ARHGEF6: variants seen among roughly 807,000 people sequenced by gnomAD.
The protein encoded by ARHGEF6 is Rac/Cdc42 guanine nucleotide exchange factor 6, also known as rho guanine nucleotide exchange factor 6.
ARHGEF6 carries 9 observed loss-of-function variants against 70.3 expected under a neutral mutation model. That is an observed-to-expected ratio of 0.13 (90% CI 0.08 to 0.22). The LOEUF is 0.22. Ranked by LOEUF, ARHGEF6 falls within the 10% of genes least tolerant of loss-of-function variation. ARHGEF6 has a pLI of 1.00. For missense variants in ARHGEF6, 470 were observed against 563.0 expected (o/e 0.83, Z 1.67); for synonymous variants, 201 against 207.8 (o/e 0.97, Z 0.28).
chrX:136,708,381 T>TA (rs1349098146), intron 8 of ARHGEF6, among the ~76,000 whole-genome samples: 2,298 of 96,121 alleles, frequency 0.024, 22 homozygotes, highest in African/African-American at 0.033. Flanking sequence ...TAAGGAACAT[T>TA]AAAAAAAAAA....
chrX:136,707,607 A>G (rs1321897362), intron 8 of ARHGEF6, among the ~76,000 whole-genome samples: 1 of 112,127 alleles, frequency 8.9e-6, no homozygotes, highest in African/African-American at 3.2e-5. Context: ...TTTTTTCTAC[A>G]TGTTTCTCTA....
rs959974357 is a variant in ARHGEF6 at position 136,666,467 on chromosome X, C to T, written c.*1562G>A. 7 of 112,335 alleles carry T rather than the reference C, an allele frequency of 6.2e-5. No homozygotes were observed. In the Admixed American group the frequency reaches 6.6e-4, roughly 11 times the overall value. The allele number at this position is 112,335 out of a possible 1,213,427, so 9.3% of individuals were successfully genotyped here. On this transcript the variant is annotated 3_prime_UTR_variant, in exon 22 of 22. Transcript: ENST00000250617. ...ACCTCCTGGGCTCAAATGATCCTCC[C>T]ACCTCAGCCTCCTGAGTAGCTGGGA...
intron 6 of ARHGEF6, among the ~76,000 whole-genome samples, chrX:136,720,491 T>C (rs1409852803): frequency 2.0e-5 from 2 of 102,005 alleles, no homozygotes; most frequent in African/African-American, 3.6e-5. Flanking sequence ...CTCAACTTGA[T>C]AAAGAACAGC....
Position 136,681,024 on chromosome X carries a change from C to A in ARHGEF6, c.1559-148G>T. ...CTATGGGATAACCCTGCTGAAATTTCTATATCAGAAACAGATAACCTGTGA... is the reference window on the plus strand; with the variant it reads ...CTATGGGATAACCCTGCTGAAATTTATATATCAGAAACAGATAACCTGTGA... On this transcript the variant is annotated intron_variant, in intron 14 of 21. Transcript: ENST00000250617. The A allele has an allele frequency of 6.8e-6, 4 of 588,737 alleles. No individual in the cohort carries two copies. In the South Asian group the frequency reaches 1.1e-4, roughly 16 times the overall value. The allele number at this position is 588,737 out of a possible 1,213,427, so 48.5% of individuals were successfully genotyped here. A position where few individuals can be genotyped will look rare whatever the true frequency, so the allele number is the denominator to read the frequency against.
intron 5 of ARHGEF6, chrX:136,737,481 AAG>A: frequency 1.4e-6 from 1 of 723,252 alleles, no homozygotes; most frequent in Non-Finnish European, 1.6e-6. Flanking sequence ...AAAAAAAAAA[AAG>A]GGTTTCACTA....
chrX:136,723,979 G>A, intron 6 of ARHGEF6, among the ~76,000 whole-genome samples: 1 of 110,868 alleles, frequency 9.0e-6, no homozygotes, highest in East Asian at 2.8e-4. Flanking sequence ...CTATAGTATT[G>A]GTGTTGAGAT....
chrX:136,701,765 TG>T (rs2076574992), intron 9 of ARHGEF6, among the ~76,000 whole-genome samples: 1 of 99,105 alleles, frequency 1.0e-5, no homozygotes, highest in Non-Finnish European at 2.0e-5. Flanking sequence ...TGGAGTGCAG[TG>T]GCGCCATCTT....
chrX:136,727,415 T>C (rs188328795), intron 6 of ARHGEF6, among the ~76,000 whole-genome samples: 5,292 of 76,685 alleles, frequency 0.069, 276 homozygotes, highest in East Asian at 0.2. Context: ...CTCTCTCTCT[T>C]TCTTTCTTTC....
intron 2 of ARHGEF6, among the ~76,000 whole-genome samples, chrX:136,776,878 G>GATAAATAAATAA (rs59514085): frequency 1.4e-4 from 14 of 99,951 alleles, no homozygotes; most frequent in African/African-American, 1.8e-4. Context: ...TAAATAAATA[G>GATAAATAAATAA]ATAAATAAAT....
chrX:136,775,920 A>G (rs957886960), intron 2 of ARHGEF6, among the ~76,000 whole-genome samples: 3 of 111,800 alleles, frequency 2.7e-5, no homozygotes, highest in Non-Finnish European at 3.8e-5. Context: ...AATCAAATCA[A>G]GAACTCAACC....
At chrX:136,774,385 T>C (rs1041728255) in intron 2 of ARHGEF6, among the ~76,000 whole-genome samples, 63 of 109,893 alleles carry the variant, frequency 5.7e-4, no homozygotes, top group Non-Finnish European at 1.0e-3. Context: ...GCGTGGTGGC[T>C]CATGCCTGTA....
intron 6 of ARHGEF6, among the ~76,000 whole-genome samples, chrX:136,722,066 T>TA (rs894203278): frequency 1.8e-5 from 2 of 108,901 alleles, no homozygotes; most frequent in Non-Finnish European, 1.9e-5. Context: ...ATCTGTCAAT[T>TA]AAAAAAAAAG....
chrX:136,746,855 C>G (rs934707845), intron 3 of ARHGEF6, among the ~76,000 whole-genome samples: 13 of 111,499 alleles, frequency 1.2e-4, no homozygotes, highest in African/African-American at 4.2e-4. Flanking sequence ...GCTCTTATGA[C>G]AGCCTAGATC....
At chrX:136,684,212 A>G (rs1206790076) in intron 12 of ARHGEF6, among the ~76,000 whole-genome samples, 1 of 111,857 alleles carries the variant, frequency 8.9e-6, no homozygotes, top group African/African-American at 3.3e-5. Context: ...TGGAATTTCC[A>G]TGACACCATG....
intron 11 of ARHGEF6, among the ~76,000 whole-genome samples, chrX:136,686,621 T>C (rs777137919): frequency 0.012 from 824 of 68,538 alleles, 7 homozygotes; most frequent in South Asian, 0.046. Context: ...TATATATATA[T>C]ACACATATAT....
intron 17 of ARHGEF6, among the ~76,000 whole-genome samples, chrX:136,677,331 G>A (rs1355944938): frequency 1.8e-5 from 2 of 112,012 alleles, no homozygotes; most frequent in Non-Finnish European, 3.8e-5. Flanking sequence ...CACACCCACA[G>A]CCAAACTTAA....
chrX:136,747,684 G>T, intron 2 of ARHGEF6, 92 bp from the exon 3 acceptor site: 42 of 126,284 alleles, frequency 3.3e-4, no homozygotes, highest in East Asian at 1.2e-3. Flanking sequence ...CAGCTCTCCG[G>T]AAAAAAAAAA....
chrX:136,711,670 C>T (rs777816026), intron 7 of ARHGEF6, among the ~76,000 whole-genome samples: 1 of 111,725 alleles, frequency 9.0e-6, no homozygotes, highest in Admixed American at 9.5e-5. Flanking sequence ...TCAAGCGATT[C>T]TCCTGCCTCA....
intron 9 of ARHGEF6, among the ~76,000 whole-genome samples, chrX:136,696,487 G>C (rs2076511914): frequency 9.1e-6 from 1 of 109,886 alleles, no homozygotes; most frequent in African/African-American, 3.3e-5. Flanking sequence ...GTGTGGTGGT[G>C]TGTGCCTGTA....
Sources: allele counts gnomAD v4.1 joint callset (sites outside exome capture counted in the v4.1 genomes callset), GRCh38; gene constraint gnomAD v4.1.1; transcripts MANE v1.5; gene names NCBI Gene and HGNC (gene_info 2026-07-23, HGNC 2026-07-21).